The following COL15A1 variants were observed in gnomAD, a reference collection of about 807,000 sequenced individuals.
COL15A1 encodes the protein collagen alpha-1(XV) chain.
A neutral mutation model predicts 165.9 loss-of-function variants in COL15A1; 111 were observed. The observed-to-expected ratio is 0.67, with a 90% CI of 0.57 to 0.78. COL15A1 has a LOEUF of 0.78. Ranked by LOEUF, COL15A1 falls within the 30% of genes least tolerant of loss-of-function variation. COL15A1 has a pLI of 0.00. For missense variants in COL15A1, 1,745 were observed against 1,789.7 expected (o/e 0.98, Z 0.45); for synonymous variants, 659 against 674.8 (o/e 0.98, Z 0.36).
At chr9:99,047,687 T>G in intron 26 of COL15A1, 99 bp from the exon 27 acceptor site, 3 of 1,246,796 alleles carry the variant, frequency 2.4e-6, no homozygotes, top group Non-Finnish European at 3.5e-6. Context: ...TGTCAGTGGA[T>G]CATCGTCACC....
At chr9:98,982,372 A>G (rs73501997) in intron 2 of COL15A1, among the ~76,000 whole-genome samples, 4,513 of 152,332 alleles carry the variant, frequency 0.03, 195 homozygotes, top group African/African-American at 0.095. Context: ...TTTTCCAAGC[A>G]AAGTCTTTGA....
At chr9:99,051,814 A>G (rs1839593021) in intron 30 of COL15A1, among the ~76,000 whole-genome samples, 1 of 152,206 alleles carries the variant, frequency 6.6e-6, no homozygotes, top group African/African-American at 2.4e-5. Context: ...AATCTGGGGA[A>G]AACTGGGAAG....
At chr9:98,950,532 T>C (rs1276192736) in intron 2 of COL15A1, among the ~76,000 whole-genome samples, 4 of 108,302 alleles carry the variant, frequency 3.7e-5, no homozygotes, top group Non-Finnish European at 7.1e-5. Flanking sequence ...CCTTCCTTCC[T>C]TCCCTTCCCT....
intron 9 of COL15A1, among the ~76,000 whole-genome samples, chr9:99,013,799 G>A (rs528136548): frequency 2.0e-5 from 3 of 152,284 alleles, no homozygotes; most frequent in Admixed American, 1.3e-4. Flanking sequence ...AAAAAGGGGC[G>A]GGTGGTGCCT....
intron 2 of COL15A1, among the ~76,000 whole-genome samples, chr9:98,975,191 C>G (rs139850892): frequency 6.6e-6 from 1 of 152,386 alleles, no homozygotes; most frequent in African/African-American, 2.4e-5. Flanking sequence ...GAGGAACGCT[C>G]CTTAGCCTCC....
intron 2 of COL15A1, among the ~76,000 whole-genome samples, chr9:98,985,139 G>A (rs1434003417): frequency 6.6e-6 from 1 of 152,144 alleles, no homozygotes; most frequent in Non-Finnish European, 1.5e-5. Flanking sequence ...AAGTCGATGG[G>A]TGAACATTAT....
chr9:98,960,832 C>T (rs1837853814), intron 2 of COL15A1, among the ~76,000 whole-genome samples: 1 of 152,158 alleles, frequency 6.6e-6, no homozygotes, highest in African/African-American at 2.4e-5. Context: ...TGATGTTGTG[C>T]CTAAGCTGTC....
Position 99,016,048 on chromosome 9 carries a change from T to C in COL15A1, c.1576T>C (p.Ser526Pro), listed in dbSNP as rs1283486252. 3.2e-5 allele frequency: 52 copies of C among 1,613,708 alleles called. No individual in the cohort carries two copies. Among genetic ancestry groups the C allele is most frequent in the Non-Finnish European group, 4.2e-5 (50 of 1,179,928 alleles). ...EPLITAGGEE[S>P]GSPPPDGPPL... ...CCTCATCACAGCTGGGGGTGAAGAGTCCGGCAGCCCTCCCCCTGATGGGCC... is the reference window on the plus strand; with the variant it reads ...CCTCATCACAGCTGGGGGTGAAGAGCCCGGCAGCCCTCCCCCTGATGGGCC... The change falls in exon 11 of 42, where the codon TCC becomes CCC. Residue 526 changes from serine (S) to proline (P), a missense_variant. By Grantham distance (74) the Ser-to-Pro change is moderately conservative (BLOSUM62 -1). Coordinates refer to ENST00000375001, the MANE Select transcript of COL15A1 (RefSeq NM_001855.5).
chr9:99,044,696 T>C (rs1484274568), intron 25 of COL15A1, 39 bp from the exon 26 acceptor site: 1 of 1,613,290 alleles, frequency 6.2e-7, no homozygotes. Flanking sequence ...TCTTTGTTTC[T>C]GTCCCAAACA....
At chr9:98,999,396 C>G (rs534987515) in intron 6 of COL15A1, among the ~76,000 whole-genome samples, 1 of 152,110 alleles carries the variant, frequency 6.6e-6, no homozygotes, top group Admixed American at 6.5e-5. Context: ...TGGGAGGGGT[C>G]CCGGTGGGCA....
intron 9 of COL15A1, among the ~76,000 whole-genome samples, chr9:99,014,350 C>A (rs1287679446): frequency 6.6e-6 from 1 of 152,172 alleles, no homozygotes; most frequent in Non-Finnish European, 1.5e-5. Context: ...TAGGTGCCTT[C>A]CATCATCCTA....
In COL15A1 at chr9:99,031,627, C is replaced by T. The variant is rs559759662; in HGVS notation, c.2044-2922C>T. On this transcript the variant is annotated intron_variant, in intron 16 of 41. Coordinates refer to ENST00000375001, the MANE Select transcript of COL15A1 (RefSeq NM_001855.5). ...TTAGGCTCATACTCAACTAGAGTCC[C>T]AAAGTTTCAGAGCTGGAAGGAACCT... Among the ~76,000 whole-genome samples, 4 of 152,266 alleles carry T rather than the reference C, an allele frequency of 2.6e-5. No homozygotes were observed. The South Asian group carries it at 8.3e-4, about 32-fold the overall frequency.
intron 21 of COL15A1, among the ~76,000 whole-genome samples, chr9:99,037,129 G>A (rs181261816): frequency 3.3e-5 from 5 of 152,276 alleles, no homozygotes; most frequent in East Asian, 1.9e-4. Context: ...CACACAAATG[G>A]AGGAAAGCAT....
At chr9:98,964,462 C>A (rs935376347) in intron 2 of COL15A1, among the ~76,000 whole-genome samples, 5 of 152,180 alleles carry the variant, frequency 3.3e-5, no homozygotes, top group African/African-American at 9.7e-5. Flanking sequence ...CTCCAGCATC[C>A]CACAGAGAGT....
chr9:99,013,920 G>C (rs938967568), intron 9 of COL15A1, among the ~76,000 whole-genome samples: 1 of 151,940 alleles, frequency 6.6e-6, no homozygotes, highest in Admixed American at 6.5e-5. Flanking sequence ...AAAAGTAAAC[G>C]AAAGAAAAAA....
chr9:98,991,266 C>A (rs931730111), intron 5 of COL15A1, among the ~76,000 whole-genome samples: 4 of 152,250 alleles, frequency 2.6e-5, no homozygotes, highest in African/African-American at 4.8e-5. Flanking sequence ...CTGACCCCCC[C>A]CCACATCCTG....
chr9:98,986,128 A>C lies in COL15A1; in HGVS notation c.648+16A>C, dbSNP rs1192875981. The C allele has an allele frequency of 2.2e-5, 35 of 1,597,444 alleles. No individual in the cohort carries two copies. Among genetic ancestry groups the C allele is most frequent in the Non-Finnish European group, 2.9e-5 (34 of 1,167,940 alleles). On this transcript the variant is annotated intron_variant, in intron 3 of 41. Coordinates refer to ENST00000375001, the MANE Select transcript of COL15A1 (RefSeq NM_001855.5). The stretch of plus-strand genomic sequence containing the variant: ...GAGATTCACTGTGAGTTAAAGTCCC[A>C]CTCCAGGTAGATCAGGGAGGTGGAT...
rs185331512 is a variant in COL15A1, at chr9:99,015,924, G to C, written c.1504-52G>C. 2.9e-4 allele frequency: 454 copies of C among 1,592,078 alleles called. 4 individuals are homozygous for C. The African/African-American group carries it at 5.7e-3, about 20-fold the overall frequency. The stretch of plus-strand genomic sequence containing the variant: ...CAGAAACGACTGTTACAACTCCCTG[G>C]CAGCCTCATGAGCGAGGTGAGGTGG... On this transcript the variant is annotated intron_variant, in intron 10 of 41. Coordinates refer to ENST00000375001, the MANE Select transcript of COL15A1 (RefSeq NM_001855.5).
chr9:99,060,234 TTATATA>T (rs1203751452), intron 36 of COL15A1, among the ~76,000 whole-genome samples: 4 of 84,866 alleles, frequency 4.7e-5, no homozygotes, highest in Middle Eastern at 5.9e-3. Flanking sequence ...TTATATATTT[TTATATA>T]TATATATATA....
Sources: allele counts gnomAD v4.1 joint callset (sites outside exome capture counted in the v4.1 genomes callset), GRCh38; gene constraint gnomAD v4.1.1; transcripts MANE v1.5; gene names NCBI Gene and HGNC (gene_info 2026-07-23, HGNC 2026-07-21).